Variants in RAB4A observed in about 807,000 individuals in gnomAD.
RAB4A encodes the protein ras-related protein Rab-4A.
Under a neutral mutation model 34.5 loss-of-function variants are expected in RAB4A, and 20 were observed. The ratio of observed to expected loss-of-function variants is 0.58; its 90% CI spans 0.41 to 0.84. The LOEUF is 0.84. RAB4A is among the 40% of genes least tolerant of loss of function. The pLI is 0.00. For missense variants in RAB4A, 228 were observed against 274.5 expected (o/e 0.83, Z 1.20); for synonymous variants, 102 against 100.0 (o/e 1.02, Z -0.12).
chr1:229,295,972 T>A, intron 4 of RAB4A, 62 bp downstream of exon 4: 1 of 1,563,272 alleles, frequency 6.4e-7, no homozygotes, highest in Non-Finnish European at 8.8e-7. Context: ...AAGGCTGGTC[T>A]TGGCGAGGTG....
At chr1:229,284,326 T>G (rs1240022355) in intron 1 of RAB4A, among the ~76,000 whole-genome samples, 1 of 151,924 alleles carries the variant, frequency 6.6e-6, no homozygotes, top group Admixed American at 6.6e-5. Context: ...CTCGAACTCC[T>G]GACTGAGGTG....
rs1656455065 is a variant in RAB4A at position 229,271,217 on chromosome 1, G to A, written c.-123G>A. ...CCGCTGGGAGACCGGCGGTTGCCGTGGGGACCGGTCGGGCCCCTCCCTCCT... is the reference window on the plus strand; with the variant it reads ...CCGCTGGGAGACCGGCGGTTGCCGTAGGGACCGGTCGGGCCCCTCCCTCCT... On this transcript the variant is annotated 5_prime_UTR_variant, in exon 1 of 8. Coordinates refer to ENST00000366690, the MANE Select transcript of RAB4A (RefSeq NM_004578.4). 9.8e-7 allele frequency: 1 copy of A among 1,022,656 alleles called. No homozygotes were observed. The highest frequency in any genetic ancestry group is 3.5e-5 in the South Asian group (1 of 28,232). The allele number at this position is 1,022,656 out of a possible 1,614,324, so 63.3% of individuals were successfully genotyped here. A position where few individuals can be genotyped will look rare whatever the true frequency, so the allele number is the denominator to read the frequency against.
Position 229,297,535 on chromosome 1 carries a change from C to A in RAB4A, c.344C>A (p.Ala115Glu). 6.2e-7 allele frequency: 1 copy of A among 1,612,074 alleles called. No homozygotes were observed. Among genetic ancestry groups the A allele is most frequent in the East Asian group, 2.2e-5 (1 of 44,784 alleles). ...TGGTTAACAGATGCCCGAATGCTAG[C>A]GAGCCAGAACATTGTGATCATCCTT... ...TNWLTDARML[A>E]SQNIVIILCG... is the part of the protein sequence containing the mutation. The change falls in exon 5 of 8, where the codon GCG (alanine) becomes GAG (glutamate). Residue 115 changes from alanine to glutamate, a missense_variant. Physicochemically the swap from Ala to Glu is moderately radical, Grantham distance 107. Transcript: ENST00000366690.
chr1:229,301,171 C>T (rs931393183), intron 6 of RAB4A, among the ~76,000 whole-genome samples: 1 of 152,102 alleles, frequency 6.6e-6, no homozygotes, highest in Admixed American at 6.6e-5. Context: ...GGTGAGCAAG[C>T]AGAGTGTCCA....
chr1:229,294,819 ACT>A (rs1187876705), intron 3 of RAB4A, among the ~76,000 whole-genome samples: 1 of 152,058 alleles, frequency 6.6e-6, no homozygotes, highest in Non-Finnish European at 1.5e-5. Context: ...AACGAGCGAA[ACT>A]CTGTCTCAAA....
intron 1 of RAB4A, among the ~76,000 whole-genome samples, chr1:229,272,810 C>G (rs1656529794): frequency 6.6e-6 from 1 of 152,184 alleles, no homozygotes; most frequent in Non-Finnish European, 1.5e-5. Flanking sequence ...GGTCCACCTT[C>G]AGTGAGTGAC....
chr1:229,296,252 G>A (rs1445434357), intron 4 of RAB4A, among the ~76,000 whole-genome samples: 1 of 152,160 alleles, frequency 6.6e-6, no homozygotes, highest in African/African-American at 2.4e-5. Context: ...GTTGAGAGAG[G>A]GTGAGGACAC....
At chr1:229,294,623 C>T (rs1276928639) in intron 3 of RAB4A, among the ~76,000 whole-genome samples, 3 of 152,106 alleles carry the variant, frequency 2.0e-5, no homozygotes, top group Admixed American at 6.6e-5. Flanking sequence ...GTGGATCATC[C>T]GAGGTCAAGA....
rs760821453 is a variant in RAB4A at position 229,295,921 on chromosome 1, C to A, written c.290+11C>A. ...CTATGATATCACCAGGTAATGCCAG[C>A]TCCCCCTGGTGAAGGAGGGTGCTCA... On this transcript the variant is annotated intron_variant, in intron 4 of 7. Coordinates refer to ENST00000366690, the MANE Select transcript of RAB4A (RefSeq NM_004578.4). 3 of 1,614,030 alleles carry A rather than the reference C, an allele frequency of 1.9e-6. No individual in the cohort carries two copies. Among genetic ancestry groups the A allele is most frequent in the Admixed American group, 3.3e-5 (2 of 60,026 alleles).
At chr1:229,274,780 T>G (rs1433748143) in intron 1 of RAB4A, among the ~76,000 whole-genome samples, 5 of 152,236 alleles carry the variant, frequency 3.3e-5, no homozygotes, top group Non-Finnish European at 7.3e-5. Context: ...GAATTTCTTT[T>G]GAAATTAAGT....
chr1:229,277,851 TG>T (rs1347106406), intron 1 of RAB4A, among the ~76,000 whole-genome samples: 1 of 151,348 alleles, frequency 6.6e-6, no homozygotes, highest in East Asian at 1.9e-4. Context: ...TTCAGGCTGC[TG>T]GTCCATCTCC....
chr1:229,302,860 A>C lies in RAB4A; in HGVS notation c.542-2A>C, dbSNP rs1657452501. Reference sequence around the variant, plus strand: ...TTAAAAGAAGACTTGCTTGGTCCTTAGGTGAGCTGGACCCAGAAAGAATGG... The same window carrying C: ...TTAAAAGAAGACTTGCTTGGTCCTTCGGTGAGCTGGACCCAGAAAGAATGG... On this transcript the variant is annotated splice_acceptor_variant, in intron 6 of 7. Coordinates refer to ENST00000366690, the MANE Select transcript of RAB4A (RefSeq NM_004578.4). LOFTEE classifies it high-confidence loss of function. 1 of 1,604,610 alleles carries C rather than the reference A, an allele frequency of 6.2e-7. No homozygotes were observed. Among genetic ancestry groups the C allele is most frequent in the Non-Finnish European group, 8.5e-7 (1 of 1,172,088 alleles).
intron 3 of RAB4A, 31 bp from the exon 4 acceptor site, chr1:229,295,817 G>T: frequency 6.2e-7 from 1 of 1,612,982 alleles, no homozygotes; most frequent in Non-Finnish European, 8.5e-7. Context: ...GTCTCAATTG[G>T]TTGAAAGTAA....
In RAB4A at chr1:229,297,486, G is replaced by A; in HGVS notation, c.295G>A (p.Glu99Lys). Residue 99 changes from glutamate to lysine, a missense_variant, in exon 5 of 8, where the codon GAA becomes AAA. Coordinates refer to ENST00000366690, the MANE Select transcript of RAB4A (RefSeq NM_004578.4). ...TCACAATCTTATATTACGCAGCCGA[G>A]AAACCTACAATGCGCTTACTAATTG... ...ALLVYDITSR[E>K]TYNALTNWLT... 6.3e-7 allele frequency: 1 copy of A among 1,591,224 alleles called. No individual in the cohort carries two copies. The highest frequency in any genetic ancestry group is 8.5e-7 in the Non-Finnish European group (1 of 1,174,008).
chr1:229,305,557 T>G lies in RAB4A; in HGVS notation c.*1764T>G, dbSNP rs1206533514. On this transcript the variant is annotated 3_prime_UTR_variant, in exon 8 of 8. Transcript: ENST00000366690. ...CTTTAGGGAGAATGAGGAGGAGAGA[T>G]AATTGGGTATTGTTCAGGCTAGTAA... 2 of 294,100 alleles carry G rather than the reference T, an allele frequency of 6.8e-6. No homozygotes were observed. Among genetic ancestry groups the G allele is most frequent in the Non-Finnish European group, 6.4e-6 (1 of 157,056 alleles). 18.2% of individuals were successfully genotyped at this position (294,100 alleles called of 1,614,324 possible).
intron 6 of RAB4A, among the ~76,000 whole-genome samples, chr1:229,302,286 TATATATATATATATATA>T (rs1657416014): frequency 9.3e-4 from 21 of 22,536 alleles, no homozygotes; most frequent in African/African-American, 3.7e-3. Flanking sequence ...TATATATATA[TATATATATATATATATA>T]TATATATTTT....
At chr1:229,297,915 A>C (rs2102853711) in intron 5 of RAB4A, among the ~76,000 whole-genome samples, 1 of 152,338 alleles carries the variant, frequency 6.6e-6, no homozygotes, top group East Asian at 1.9e-4. Flanking sequence ...TCTTGGGCTA[A>C]AGTGAAATTA....
At chr1:229,288,462 G>C (rs938777117) in intron 2 of RAB4A, among the ~76,000 whole-genome samples, 49 of 152,324 alleles carry the variant, frequency 3.2e-4, no homozygotes, top group African/African-American at 1.2e-3. Context: ...TTCGGATATG[G>C]CAGGGCTACT....
intron 3 of RAB4A, 88 bp downstream of exon 3, chr1:229,288,931 C>G (rs1571829162): frequency 1.3e-6 from 1 of 764,324 alleles, no homozygotes. Flanking sequence ...GTCTCACTCC[C>G]TCCCCAACAC....
Sources: allele counts gnomAD v4.1 joint callset (sites outside exome capture counted in the v4.1 genomes callset), GRCh38; gene constraint gnomAD v4.1.1; transcripts MANE v1.5; gene names NCBI Gene and HGNC (gene_info 2026-07-23, HGNC 2026-07-21).